The following FLI1 variants were observed in gnomAD, a reference collection of about 807,000 sequenced individuals.
FLI1 encodes Fli-1 proto-oncogene, ETS transcription factor.
In FLI1, 13 loss-of-function variants were observed where a neutral mutation model predicts 53.1. That is an observed-to-expected ratio of 0.24 (90% CI 0.16 to 0.39). FLI1 has a LOEUF of 0.39. FLI1 is among the 10% of genes least tolerant of loss of function. FLI1 has a pLI of 1.00. For missense variants in FLI1, 424 were observed against 600.5 expected, an observed-to-expected ratio of 0.71 and a Z score of 3.07; for synonymous variants, 244 against 236.7, an observed-to-expected ratio of 1.03 and a Z score of -0.28.
Position 128,811,177 on chromosome 11 carries a change from C to T in FLI1, c.*189C>T. Reference sequence around the variant, plus strand: ...TGTTGGTAACTTTTGCTTCCTCTACCTGAACAAAGAGATGAATAATTCCAT... The same window carrying T: ...TGTTGGTAACTTTTGCTTCCTCTACTTGAACAAAGAGATGAATAATTCCAT... On this transcript the variant is annotated 3_prime_UTR_variant, in exon 9 of 9. Transcript: ENST00000527786. 1 of 600,880 alleles carries T rather than the reference C, an allele frequency of 1.7e-6. No homozygotes were observed. The highest frequency in any genetic ancestry group is 2.9e-6 in the Non-Finnish European group (1 of 343,444). 37.2% of individuals were successfully genotyped at this position (600,880 alleles called of 1,614,324 possible). A position where few individuals can be genotyped will look rare whatever the true frequency, so the allele number is the denominator to read the frequency against.
At chr11:128,757,330 C>T (rs1940933073) in intron 1 of FLI1, among the ~76,000 whole-genome samples, 1 of 152,062 alleles carries the variant, frequency 6.6e-6, no homozygotes, top group Non-Finnish European at 1.5e-5. Flanking sequence ...ACCCAACAAC[C>T]TCTTTTGGAG....
At chr11:128,789,432 A>C (rs1942198388) in intron 5 of FLI1, among the ~76,000 whole-genome samples, 1 of 152,204 alleles carries the variant, frequency 6.6e-6, no homozygotes, top group Non-Finnish European at 1.5e-5. Flanking sequence ...CATGGAGCTG[A>C]AATAAGACTG....
upstream of FLI1, chr11:128,692,065 G>C (rs116162215): frequency 2.0e-5 from 3 of 152,124 alleles, no homozygotes; most frequent in African/African-American, 7.2e-5. Context: ...GTGGGAAGCC[G>C]TCTCTCCGCA....
At chr11:128,768,910 A>T (rs2135835152) in intron 3 of FLI1, among the ~76,000 whole-genome samples, 1 of 152,292 alleles carries the variant, frequency 6.6e-6, no homozygotes, top group East Asian at 1.9e-4. Context: ...TGAGCTCTGG[A>T]TGTGGGCATC....
chr11:128,706,249 G>T (rs1322683654), intron 1 of FLI1, among the ~76,000 whole-genome samples: 1 of 152,140 alleles, frequency 6.6e-6, no homozygotes, highest in Non-Finnish European at 1.5e-5. Flanking sequence ...GTATCCAAAG[G>T]ATCATCAAAG....
At chr11:128,752,925 C>T (rs1940711866) in intron 1 of FLI1, among the ~76,000 whole-genome samples, 1 of 152,184 alleles carries the variant, frequency 6.6e-6, no homozygotes, top group Admixed American at 6.5e-5. Context: ...GTAGCAGGCC[C>T]CAGCTGGATC....
At chr11:128,752,042 A>G (rs949963880) in intron 1 of FLI1, among the ~76,000 whole-genome samples, 1 of 149,808 alleles carries the variant, frequency 6.7e-6, no homozygotes, top group African/African-American at 2.5e-5. Context: ...GTGCCGCTAC[A>G]TCGGCTCACA....
At chr11:128,801,900 C>T (rs529984805) in intron 5 of FLI1, among the ~76,000 whole-genome samples, 13 of 152,190 alleles carry the variant, frequency 8.5e-5, no homozygotes, top group Admixed American at 3.3e-4. Context: ...GAACCATAAA[C>T]GACAAATACA....
In FLI1 at chr11:128,796,092, A is replaced by AG. The variant is rs1555125034; in HGVS notation, c.656-9274_656-9273insG. Among the ~76,000 whole-genome samples, 69 of 151,794 alleles carry AG rather than the reference A, an allele frequency of 4.5e-4. 1 individual carries two copies. Among genetic ancestry groups the AG allele is most frequent in the Non-Finnish European group, 5.2e-4 (35 of 67,934 alleles). The stretch of plus-strand genomic sequence containing the variant: ...ATGAGAGGCAAAGCAAGGAGTTCTG[A>AG]CCCCCCAGCCCAGAGTTCTTTCCTT... On this transcript the variant is annotated intron_variant, in intron 5 of 8. Coordinates refer to ENST00000527786, the MANE Select transcript of FLI1 (RefSeq NM_002017.5).
chr11:128,781,188 G>C (rs141626673), intron 4 of FLI1, among the ~76,000 whole-genome samples: 1 of 152,308 alleles, frequency 6.6e-6, no homozygotes, highest in East Asian at 1.9e-4. Context: ...CTTAGACATA[G>C]GTGAAGGGAA....
intron 3 of FLI1, among the ~76,000 whole-genome samples, chr11:128,770,142 G>A (rs1050589619): frequency 1.3e-5 from 2 of 152,194 alleles, no homozygotes; most frequent in African/African-American, 4.8e-5. Context: ...CTGCTATGTC[G>A]ACCCTCCAAA....
intron 1 of FLI1, among the ~76,000 whole-genome samples, chr11:128,723,778 A>G (rs1027611887): frequency 2.6e-5 from 4 of 152,158 alleles, no homozygotes; most frequent in African/African-American, 4.8e-5. Context: ...TCTGAAGGAA[A>G]GAGGTGTAAA....
At chr11:128,758,559 C>T (rs1332578283) in intron 2 of FLI1, among the ~76,000 whole-genome samples, 1 of 152,206 alleles carries the variant, frequency 6.6e-6, no homozygotes, top group Non-Finnish European at 1.5e-5. Flanking sequence ...CCTCAGAGGC[C>T]AGGTAGGAGT....
chr11:128,723,129 C>A (rs745706753), intron 1 of FLI1, among the ~76,000 whole-genome samples: 2 of 152,162 alleles, frequency 1.3e-5, no homozygotes, highest in East Asian at 1.9e-4. Flanking sequence ...GATCAAATCA[C>A]CCCCTGAAGA....
At chr11:128,712,838 A>T (rs1422165964) in intron 1 of FLI1, among the ~76,000 whole-genome samples, 1 of 152,194 alleles carries the variant, frequency 6.6e-6, no homozygotes, top group Non-Finnish European at 1.5e-5. Context: ...ATATCCTGAG[A>T]CATGAAGCAA....
At chr11:128,777,230 C>T (rs1004084576) in intron 4 of FLI1, among the ~76,000 whole-genome samples, 7 of 152,234 alleles carry the variant, frequency 4.6e-5, no homozygotes, top group Admixed American at 3.3e-4. Flanking sequence ...GGAGTTTGCG[C>T]AAGGCTGGGA....
At chr11:128,792,369 C>A (rs1404738515) in intron 5 of FLI1, among the ~76,000 whole-genome samples, 1 of 152,202 alleles carries the variant, frequency 6.6e-6, no homozygotes, top group East Asian at 1.9e-4. Flanking sequence ...GGAGCCTGAC[C>A]CAGTGCAATC....
intron 2 of FLI1, chr11:128,764,779 G>A (rs1565488402): frequency 6.3e-7 from 1 of 1,593,050 alleles, no homozygotes; most frequent in South Asian, 1.1e-5. Context: ...CGGTGCTTGG[G>A]AGCTGCAAGA....
chr11:128,698,152 G>C (rs1938167900), intron 1 of FLI1, among the ~76,000 whole-genome samples: 1 of 152,234 alleles, frequency 6.6e-6, no homozygotes, highest in African/African-American at 2.4e-5. Flanking sequence ...GTCACTGGCA[G>C]GGCAGGGAAA....
Sources: allele counts gnomAD v4.1 joint callset (sites outside exome capture counted in the v4.1 genomes callset), GRCh38; gene constraint gnomAD v4.1.1; transcripts MANE v1.5; gene names NCBI Gene and HGNC (gene_info 2026-07-23, HGNC 2026-07-21).